LRRC4C: variants seen among roughly 807,000 people sequenced by gnomAD.
The protein encoded by LRRC4C is leucine rich repeat containing 4C.
In LRRC4C, 5 loss-of-function variants were observed where a neutral mutation model predicts 33.6. The observed-to-expected ratio is 0.15, with a 90% CI of 0.08 to 0.31. The LOEUF (loss-of-function observed/expected upper bound fraction) is 0.31, where lower values mean the gene tolerates loss of function less well. Ranked by LOEUF, LRRC4C falls within the 10% of genes least tolerant of loss-of-function variation. The pLI, the probability that LRRC4C is intolerant of heterozygous loss-of-function variation, is 1.00. For missense variants in LRRC4C, 560 were observed against 796.7 expected, an observed-to-expected ratio of 0.70 and a Z score of 3.58; for synonymous variants, 329 against 302.0, an observed-to-expected ratio of 1.09 and a Z score of -0.93.
chr11:41,064,120 T>A (rs533179162), intron 1 of LRRC4C, among the ~76,000 whole-genome samples: 1 of 152,360 alleles, frequency 6.6e-6, no homozygotes, highest in Non-Finnish European at 1.5e-5. Context: ...AATTTTTAAT[T>A]GCTTGAAACA....
intron 1 of LRRC4C, among the ~76,000 whole-genome samples, chr11:41,232,121 C>T (rs920085936): frequency 1.3e-5 from 2 of 151,946 alleles, no homozygotes; most frequent in African/African-American, 4.8e-5. Flanking sequence ...CTCAGCATCA[C>T]CTTCCAAATC....
intron 2 of LRRC4C, among the ~76,000 whole-genome samples, chr11:40,771,584 A>T (rs1949759602): frequency 6.6e-6 from 1 of 152,128 alleles, no homozygotes; most frequent in Non-Finnish European, 1.5e-5. Context: ...TCATATTATC[A>T]GGCTGCAAAT....
chr11:41,270,830 A>G (rs1008353253), intron 1 of LRRC4C, among the ~76,000 whole-genome samples: 5 of 152,148 alleles, frequency 3.3e-5, no homozygotes, highest in Admixed American at 3.3e-4. Context: ...TGTATTCAGA[A>G]GTCTAAAATC....
intron 2 of LRRC4C, among the ~76,000 whole-genome samples, chr11:40,832,550 T>C (rs1952465961): frequency 6.6e-6 from 1 of 152,082 alleles, no homozygotes; most frequent in African/African-American, 2.4e-5. Context: ...AGAAGTGCCT[T>C]GAGGACACCT....
chr11:40,403,845 A>G (rs948733507), intron 3 of LRRC4C, among the ~76,000 whole-genome samples: 1 of 152,128 alleles, frequency 6.6e-6, no homozygotes, highest in Non-Finnish European at 1.5e-5. Context: ...GATAGTCAAC[A>G]CTAAACAGAT....
chr11:40,382,686 T>A (rs962887514), intron 3 of LRRC4C, among the ~76,000 whole-genome samples: 1 of 33,494 alleles, frequency 3.0e-5, no homozygotes, highest in Admixed American at 2.8e-4. Context: ...TTGTACTCAT[T>A]TTTTTTTTTT....
chr11:41,423,468 T>C (rs2138344805), intron 1 of LRRC4C, among the ~76,000 whole-genome samples: 1 of 152,190 alleles, frequency 6.6e-6, no homozygotes, highest in Non-Finnish European at 1.5e-5. Flanking sequence ...GTTGAACATA[T>C]AAAGCACATT....
chr11:41,207,777 A>G (rs1946659572), intron 1 of LRRC4C, among the ~76,000 whole-genome samples: 1 of 152,186 alleles, frequency 6.6e-6, no homozygotes, highest in African/African-American at 2.4e-5. Context: ...GAGAAAATAC[A>G]TTTCTGTTGT....
intron 5 of LRRC4C, among the ~76,000 whole-genome samples, chr11:40,236,128 T>G (rs1291984660): frequency 6.6e-6 from 1 of 150,934 alleles, no homozygotes; most frequent in Non-Finnish European, 1.5e-5. Context: ...AGGCCACTGC[T>G]CCAGGAAAAA....
intron 3 of LRRC4C, among the ~76,000 whole-genome samples, chr11:40,383,469 C>A (rs1221247570): frequency 6.6e-6 from 1 of 152,116 alleles, no homozygotes; most frequent in Non-Finnish European, 1.5e-5. Flanking sequence ...AATTTACATT[C>A]CTACCAACAG....
intron 1 of LRRC4C, among the ~76,000 whole-genome samples, chr11:41,048,914 C>T (rs1857998065): frequency 2.0e-5 from 3 of 152,130 alleles, no homozygotes; most frequent in Admixed American, 2.0e-4. Flanking sequence ...CCTTGACTTC[C>T]TGGATCGTAA....
Position 40,336,223 on chromosome 11 carries a change from C to T in LRRC4C, c.-269-16502G>A, listed in dbSNP as rs960112688. Among the ~76,000 whole-genome samples the T allele has an allele frequency of 5.9e-5, 9 of 152,012 alleles. No homozygotes were observed. In the South Asian group the frequency reaches 8.3e-4, roughly 14 times the overall value. On this transcript the variant is annotated intron_variant, in intron 3 of 6. Transcript: ENST00000528697. ...AGGCAGCTATTCGCTGAACCTCTCT[C>T]CTCTTTTTTTCTTGACAGACCGCGG...
At chr11:40,436,526 G>C (rs1246725307) in intron 3 of LRRC4C, among the ~76,000 whole-genome samples, 1 of 152,154 alleles carries the variant, frequency 6.6e-6, no homozygotes, top group Non-Finnish European at 1.5e-5. Context: ...TAGTTGAACA[G>C]AATCTGTCAA....
intron 1 of LRRC4C, among the ~76,000 whole-genome samples, chr11:41,342,464 T>C (rs1001073447): frequency 6.6e-6 from 1 of 152,134 alleles, no homozygotes; most frequent in Non-Finnish European, 1.5e-5. Context: ...CCCATAATCA[T>C]AGCATTTTGG....
At chr11:41,457,363 A>G (rs1380234064) in intron 1 of LRRC4C, among the ~76,000 whole-genome samples, 1 of 152,182 alleles carries the variant, frequency 6.6e-6, no homozygotes, top group East Asian at 1.9e-4. Context: ...ACTAGTTGCC[A>G]AAAGAAACAG....
At chr11:40,492,292 C>T (rs888981692) in intron 3 of LRRC4C, among the ~76,000 whole-genome samples, 1 of 152,104 alleles carries the variant, frequency 6.6e-6, no homozygotes, top group East Asian at 1.9e-4. Context: ...CCTTTTATTA[C>T]TTTAATGATT....
At chr11:40,503,371 G>T (rs981376622) in intron 3 of LRRC4C, among the ~76,000 whole-genome samples, 1 of 152,120 alleles carries the variant, frequency 6.6e-6, no homozygotes, top group African/African-American at 2.4e-5. Flanking sequence ...AATAAATATT[G>T]GTTGAATAAA....
At chr11:40,116,395 G>C (rs1855435721) in intron 6 of LRRC4C, 61 bp from the exon 7 acceptor site, 2 of 1,483,240 alleles carry the variant, frequency 1.3e-6, no homozygotes, top group Non-Finnish European at 1.8e-6. Flanking sequence ...GTGTCTTTCT[G>C]GAGTAATGTC....
intron 3 of LRRC4C, among the ~76,000 whole-genome samples, chr11:40,423,093 C>A (rs1014936220): frequency 3.9e-5 from 6 of 152,186 alleles, no homozygotes; most frequent in African/African-American, 1.4e-4. Context: ...CTTCCCAATT[C>A]TTTGTTCAGT....
Sources: gnomAD v4.1 joint callset for allele counts (sites outside exome capture counted in the v4.1 genomes callset) on GRCh38, gnomAD v4.1.1 for gene constraint, MANE v1.5 for transcripts, NCBI Gene and HGNC (gene_info 2026-07-23, HGNC 2026-07-21) for gene names.